Variants in MGST1 observed in about 807,000 individuals in gnomAD.
MGST1 encodes glutathione S-transferase 12.
MGST1 carries 5 observed loss-of-function variants against 8.9 expected under a neutral mutation model. The observed-to-expected ratio is 0.56, with a 90% CI of 0.29 to 1.19. MGST1 has a LOEUF of 1.19. Among genes scored for constraint, MGST1 ranks in the 50% most tolerant of loss-of-function variants. The probability of loss-of-function intolerance (pLI) is 0.08; values close to 1 mark genes in which losing one functional copy is unlikely to be tolerated. For synonymous variants in MGST1, 54 were observed against 67.8 expected (o/e 0.80, Z 1.00); for missense variants, 182 against 187.4 (o/e 0.97, Z 0.17).
chr12:16,413,683 G>T lies in MGST1; in HGVS notation n.779-23705G>T, dbSNP rs984346022. ...TCCATACATTCTCAAGGAAGTGTCG[G>T]TTATCCCTTCTTTTTGGGATAAACC... On this transcript the variant is annotated intron_variant and non_coding_transcript_variant, in intron 1 of 1. Transcript: ENST00000359720. This position sits in a 1 kb window ranked among gnomAD's most constrained non-coding sequence, Gnocchi z 4.0. Among the ~76,000 whole-genome samples, 2 of 152,006 alleles carry T rather than the reference G, an allele frequency of 1.3e-5. No individual in the cohort carries two copies. Among genetic ancestry groups the T allele is most frequent in the Non-Finnish European group, 2.9e-5 (2 of 68,002 alleles).
chr12:16,350,830 C>G (rs1438895008), intron 1 of MGST1: 2 of 152,208 alleles, frequency 1.3e-5, no homozygotes, highest in African/African-American at 2.4e-5. Flanking sequence ...GCTGGCCAGT[C>G]TCCCAAACCC....
At chr12:16,379,070 A>C (rs1940423432), downstream of MGST1, among the ~76,000 whole-genome samples, 1 of 152,082 alleles carries the variant, frequency 6.6e-6, no homozygotes, top group South Asian at 2.1e-4. Context: ...GGTTTTCTAG[A>C]TATACAATCA....
In MGST1 at chr12:16,389,730, T is replaced by C. The variant is rs988515349; in HGVS notation, n.778+6126T>C. 1.3e-5 allele frequency among the ~76,000 whole-genome samples: 2 copies of C among 152,058 alleles called. No individual in the cohort carries two copies. Among genetic ancestry groups the C allele is most frequent in the Non-Finnish European group, 2.9e-5 (2 of 68,024 alleles). On this transcript the variant is annotated intron_variant and non_coding_transcript_variant, in intron 1 of 1. Transcript: ENST00000359720. The surrounding 1 kb of genome is among the most constrained non-coding windows in gnomAD (Gnocchi z 4.6). ...TGCTGACTCATTGGGGTTTGAAGTA[T>C]GAACACGTGTTTAGTGAGCAATATT...
intron 4 of MGST1, among the ~76,000 whole-genome samples, chr12:16,472,928 T>A (rs937113592): frequency 4.6e-5 from 7 of 152,212 alleles, no homozygotes; most frequent in African/African-American, 1.4e-4. Context: ...TGCATCGGTT[T>A]CTTAGCTTCT....
chr12:16,348,315 CAA>C (rs916212493), intron 1 of MGST1, among the ~76,000 whole-genome samples: 14 of 152,152 alleles, frequency 9.2e-5, no homozygotes, highest in African/African-American at 3.4e-4. Flanking sequence ...TAGCCAGTGA[CAA>C]GAGAGCTAAG....
intron 4 of MGST1, among the ~76,000 whole-genome samples, chr12:16,583,300 A>G (rs75932174): frequency 0.017 from 2,596 of 152,226 alleles, 44 homozygotes; most frequent in Middle Eastern, 0.051. Flanking sequence ...TGACAACAAC[A>G]GACTGTTCTT....
At chr12:16,381,986 A>T (rs1289099307), downstream of MGST1, among the ~76,000 whole-genome samples, 2 of 152,106 alleles carry the variant, frequency 1.3e-5, no homozygotes, top group African/African-American at 4.8e-5. Flanking sequence ...TTTCAGCTCC[A>T]TCAGGTCCTT....
chr12:16,557,432 T>C (rs1942233407), intron 4 of MGST1, among the ~76,000 whole-genome samples: 1 of 151,656 alleles, frequency 6.6e-6, no homozygotes, highest in African/African-American at 2.4e-5. Flanking sequence ...GAATGCGTAG[T>C]TTTGTAGATT....
chr12:16,361,856 G>C lies in MGST1; in HGVS notation c.222-1939G>C, dbSNP rs1192871245. ...ATAAGATAAAGAGAAAATGAGGCTA[G>C]AAAAACATGCAGGAGCTAGAAAGGT... is the stretch of plus-strand genomic sequence containing the variant. On this transcript the variant is annotated intron_variant, in intron 3 of 3. Coordinates refer to ENST00000396210, the MANE Select transcript of MGST1 (RefSeq NM_020300.5). The surrounding 1 kb of genome is among the most constrained non-coding windows in gnomAD (Gnocchi z 4.2). Among the ~76,000 whole-genome samples the C allele has an allele frequency of 6.6e-6, 1 of 152,152 alleles. No homozygotes were observed. Among genetic ancestry groups the C allele is most frequent in the African/African-American group, 2.4e-5 (1 of 41,432 alleles).
intron 4 of MGST1, among the ~76,000 whole-genome samples, chr12:16,502,262 T>C (rs1285468960): frequency 6.6e-6 from 1 of 152,168 alleles, no homozygotes; most frequent in Non-Finnish European, 1.5e-5. Flanking sequence ...TCCATTAAGT[T>C]AGCAAATTTT....
intron 4 of MGST1, among the ~76,000 whole-genome samples, chr12:16,552,254 T>G (rs904196163): frequency 2.6e-5 from 4 of 152,042 alleles, no homozygotes; most frequent in Admixed American, 6.5e-5. Flanking sequence ...TTGTAACAAT[T>G]TAACCTTCAA....
At chr12:16,352,351 G>A (rs1484772964) in intron 1 of MGST1, among the ~76,000 whole-genome samples, 3 of 152,152 alleles carry the variant, frequency 2.0e-5, no homozygotes, top group Non-Finnish European at 4.4e-5. Flanking sequence ...TAGAAAGATT[G>A]CAGCTGATAG....
At chr12:16,420,781 G>A (rs1484940589) in intron 1 of MGST1, among the ~76,000 whole-genome samples, 4 of 152,310 alleles carry the variant, frequency 2.6e-5, no homozygotes, top group African/African-American at 9.6e-5. Flanking sequence ...ACTCAACTGA[G>A]CACCTTTAAC....
At position 16,482,380 on chromosome 12, in the gene MGST1, C is replaced by T. The variant is rs536939732; in HGVS notation, n.482+98776C>T. ...GGGTGCAGTGGCTCACGCCTGTAAT[C>T]TTAGCACTTTAGGAGGCCAAGACAG... On this transcript the variant is annotated intron_variant and non_coding_transcript_variant, in intron 4 of 4. Coordinates refer to the MGST1 transcript ENST00000538857. This position sits in a 1 kb window ranked among gnomAD's most constrained non-coding sequence, Gnocchi z 4.2. Among the ~76,000 whole-genome samples, 3 of 152,306 alleles carry T rather than the reference C, an allele frequency of 2.0e-5. No homozygotes were observed. The South Asian group carries it at 6.2e-4, about 32-fold the overall frequency.
In MGST1 at chr12:16,495,683, AT is replaced by A. The variant is rs199914226; in HGVS notation, n.483-93833del. Reference sequence around the variant, plus strand: ...TTACTCTTTCATCCCTCAGGGTCACATTTTTTTTTTTTCAAAATACTTTCCC... The same window carrying A: ...TTACTCTTTCATCCCTCAGGGTCACATTTTTTTTTTTCAAAATACTTTCCC... On this transcript the variant is annotated intron_variant and non_coding_transcript_variant, in intron 4 of 4. Transcript: ENST00000538857. 5.4e-3 allele frequency among the ~76,000 whole-genome samples: 762 copies of A among 140,944 alleles called. 1 individual carries two copies. The highest frequency in any genetic ancestry group is 6.0e-3 in the Non-Finnish European group (383 of 64,132). 92.5% of individuals were successfully genotyped at this position (140,944 alleles called of 152,430 possible). A position where few individuals can be genotyped will look rare whatever the true frequency, so the allele number is the denominator to read the frequency against.
In MGST1 at chr12:16,369,797, A is replaced by G. The variant is rs1591708265; in HGVS notation, c.222-6325A>G. ...GTTAGCCTGACTGTGCTATCACAGC[A>G]TAGGAGCAAGACAGGAAATGGAACT... On this transcript the variant is annotated intron_variant, in intron 3 of 3. Coordinates refer to the MGST1 transcript ENST00000535309. The surrounding 1 kb of genome is among the most constrained non-coding windows in gnomAD (Gnocchi z 4.8). 1 of 152,212 alleles carries G rather than the reference A, an allele frequency of 6.6e-6. No homozygotes were observed. Among genetic ancestry groups the G allele is most frequent in the African/African-American group, 2.4e-5 (1 of 41,448 alleles). 9.4% of individuals were successfully genotyped at this position (152,212 alleles called of 1,614,324 possible). A position where few individuals can be genotyped will look rare whatever the true frequency, so the allele number is the denominator to read the frequency against.
At position 16,582,751 on chromosome 12, in the gene MGST1, A is replaced by T. The variant is rs1943199277; in HGVS notation, n.483-6777A>T. On this transcript the variant is annotated intron_variant and non_coding_transcript_variant, in intron 4 of 4. Transcript: ENST00000538857. The surrounding 1 kb of genome is among the most constrained non-coding windows in gnomAD (Gnocchi z 4.1). ...ATCTGATTGGGATGAGACGCCCAGAAAAGAATCAGAACTAGGCCGGGCACG... is the reference window on the plus strand; with the variant it reads ...ATCTGATTGGGATGAGACGCCCAGATAAGAATCAGAACTAGGCCGGGCACG... Among the ~76,000 whole-genome samples, 1 of 152,152 alleles carries T rather than the reference A, an allele frequency of 6.6e-6. No homozygotes were observed. Among genetic ancestry groups the T allele is most frequent in the Non-Finnish European group, 1.5e-5 (1 of 68,030 alleles).
intron 4 of MGST1, among the ~76,000 whole-genome samples, chr12:16,520,103 A>T (rs1216835427): frequency 6.6e-6 from 1 of 152,102 alleles, no homozygotes. Flanking sequence ...CAAAATATTT[A>T]ATCATTTTTA....
rs1199628487 is a variant in MGST1, at chr12:16,497,919, C to T, written n.483-91609C>T. Among the ~76,000 whole-genome samples the T allele has an allele frequency of 2.0e-5, 3 of 152,098 alleles. No individual in the cohort carries two copies. In the East Asian group the frequency reaches 5.8e-4, roughly 29 times the overall value. On this transcript the variant is annotated intron_variant and non_coding_transcript_variant, in intron 4 of 4. Coordinates refer to the MGST1 transcript ENST00000538857. The surrounding 1 kb of genome is among the most constrained non-coding windows in gnomAD (Gnocchi z 4.4). ...TACCAGTTCTAGTCTAGATGATAGT[C>T]TTTGTAATCACATTTTATGGAATAT...
Sources: allele counts gnomAD v4.1 joint callset (sites outside exome capture counted in the v4.1 genomes callset), GRCh38; gene constraint gnomAD v4.1.1; non-coding constraint Gnocchi (gnomAD v3.1); transcripts MANE v1.5; gene names NCBI Gene and HGNC (gene_info 2026-07-23, HGNC 2026-07-21).